The following TRIM37 variants were observed in gnomAD, a reference collection of about 807,000 sequenced individuals.
TRIM37 encodes E3 ubiquitin-protein ligase TRIM37.
TRIM37 carries 80 observed loss-of-function variants against 129.8 expected under a neutral mutation model. The ratio of observed to expected loss-of-function variants is 0.62; its 90% CI spans 0.51 to 0.74. The LOEUF is 0.74. Ranked by LOEUF, TRIM37 falls within the 30% of genes least tolerant of loss-of-function variation. The pLI, the probability that TRIM37 is intolerant of heterozygous loss-of-function variation, is 0.00. For synonymous variants in TRIM37, 389 were observed against 387.1 expected, an observed-to-expected ratio of 1.00 and a Z score of -0.06; for missense variants, 1,054 against 1,176.5, an observed-to-expected ratio of 0.90 and a Z score of 1.52.
intron 24 of TRIM37, among the ~76,000 whole-genome samples, chr17:58,989,446 AAAAT>A (rs1459908465): frequency 6.6e-6 from 1 of 152,184 alleles, no homozygotes; most frequent in Non-Finnish European, 1.5e-5. Flanking sequence ...AAAAATAAAA[AAAAT>A]AAAATTATGT....
intron 4 of TRIM37, among the ~76,000 whole-genome samples, chr17:59,086,300 C>T (rs1392226423): frequency 2.7e-5 from 4 of 149,970 alleles, no homozygotes; most frequent in South Asian, 2.1e-4. Context: ...TGAAGTGGCG[C>T]GATCTTGGCC....
At position 59,096,543 on chromosome 17, in the gene TRIM37, C is replaced by T. The variant is rs867233278; in HGVS notation, c.124-5203G>A. On this transcript the variant is annotated intron_variant, in intron 2 of 23. Coordinates refer to ENST00000262294, the MANE Select transcript of TRIM37 (RefSeq NM_015294.6). ...CTACAGCCTGGGTGACAGTGAGACT[C>T]TGTCTCAAAAAAAAAAAAACAAAAA... 4.8e-4 allele frequency among the ~76,000 whole-genome samples: 53 copies of T among 110,652 alleles called. 1 individual carries two copies. In the South Asian group the frequency reaches 0.016, roughly 34 times the overall value. The allele number at this position is 110,652 out of a possible 152,430, so 72.6% of individuals were successfully genotyped here. A position where few individuals can be genotyped will look rare whatever the true frequency, so the allele number is the denominator to read the frequency against.
chr17:59,006,626 T>C (rs1240197903), intron 22 of TRIM37, among the ~76,000 whole-genome samples: 2 of 152,086 alleles, frequency 1.3e-5, no homozygotes, highest in African/African-American at 4.8e-5. Context: ...CGGTGGCTCA[T>C]GCCTATAATC....
In TRIM37 at chr17:59,007,188, CA is replaced by C. The variant is rs1255953744; in HGVS notation, c.2695+5139del. On this transcript the variant is annotated intron_variant, in intron 22 of 23. Transcript: ENST00000262294. The stretch of plus-strand genomic sequence containing the variant: ...ACACACACACACACACACACACACA[CA>C]CACACACACACACACACTAAAACCA... Among the ~76,000 whole-genome samples, 10 of 73,646 alleles carry C rather than the reference CA, an allele frequency of 1.4e-4. 1 individual carries two copies. The highest frequency in any genetic ancestry group is 3.4e-4 in the Admixed American group (2 of 5,912). The allele number at this position is 73,646 out of a possible 152,430, so 48.3% of individuals were successfully genotyped here. A position where few individuals can be genotyped will look rare whatever the true frequency, so the allele number is the denominator to read the frequency against.
chr17:59,028,385 G>A (rs2037461654), intron 19 of TRIM37, 30 bp downstream of exon 19: 1 of 1,599,774 alleles, frequency 6.3e-7, no homozygotes, highest in African/African-American at 1.3e-5. Context: ...ATAACGTGTG[G>A]AGAAATGACA....
intron 2 of TRIM37, among the ~76,000 whole-genome samples, chr17:59,099,954 C>T (rs2147551672): frequency 6.6e-6 from 1 of 152,274 alleles, no homozygotes; most frequent in East Asian, 1.9e-4. Context: ...CAGACATGTA[C>T]CACCAGGCCT....
chr17:59,092,745 A>G (rs2044509734), intron 2 of TRIM37, among the ~76,000 whole-genome samples: 1 of 152,224 alleles, frequency 6.6e-6, no homozygotes, highest in East Asian at 1.9e-4. Flanking sequence ...TAAAATGAAC[A>G]TGAGCTTTAA....
rs2044279905 is a variant in TRIM37 at position 59,091,300 on chromosome 17, C to T, written c.164G>A (p.Arg55His). The T allele has an allele frequency of 3.2e-6, 5 of 1,582,308 alleles. No homozygotes were observed. Among genetic ancestry groups the T allele is most frequent in the East Asian group, 2.3e-5 (1 of 42,964 alleles). The change falls in exon 3 of 24, where the codon CGT becomes CAT. Residue 55 changes from arginine (R) to histidine (H), a missense_variant and splice_region_variant. Physicochemically the swap from Arg to His is conservative, Grantham distance 29 (BLOSUM62 0). Transcript: ENST00000262294. Reference sequence around the variant, plus strand: ...CAAATAATCGTAAGGAAACACTTACCGGCAATGAGGACATTGAGCTCTCTG... The same window carrying T: ...CAAATAATCGTAAGGAAACACTTACTGGCAATGAGGACATTGAGCTCTCTG... Reference protein sequence around the residue: ...TEQRAQCPHCRAPLQLRELVN... With the variant: ...TEQRAQCPHCHAPLQLRELVN...
At chr17:59,099,220 G>A (rs2045221938) in intron 2 of TRIM37, among the ~76,000 whole-genome samples, 1 of 151,888 alleles carries the variant, frequency 6.6e-6, no homozygotes, top group South Asian at 2.1e-4. Context: ...TAAACAAAAA[G>A]TGGTATATAG....
chr17:59,036,447 GGTGTGTGTGTGTGTGTGT>G (rs10625636), intron 17 of TRIM37, among the ~76,000 whole-genome samples: 4 of 140,582 alleles, frequency 2.8e-5, no homozygotes, highest in Non-Finnish European at 6.1e-5. Flanking sequence ...ATTTGCTGGG[GGTGTGTGTGTGTGTGTGT>G]GTGTGTGTGT....
In TRIM37 at chr17:59,084,093, T is replaced by G; in HGVS notation, c.282-4A>C. 6.2e-7 allele frequency: 1 copy of G among 1,604,736 alleles called. No individual in the cohort carries two copies. Among genetic ancestry groups the G allele is most frequent in the Non-Finnish European group, 8.5e-7 (1 of 1,172,350 alleles). ...TTTTTCATGGTGATTTTCACATCTA[T>G]ACATTATGAAAAGAAAATGAAGTTA... On this transcript the variant is annotated splice_polypyrimidine_tract_variant and splice_region_variant and intron_variant, in intron 4 of 23. Transcript: ENST00000262294.
intron 16 of TRIM37, among the ~76,000 whole-genome samples, chr17:59,042,934 C>T (rs968122978): frequency 6.6e-6 from 1 of 152,038 alleles, no homozygotes; most frequent in Non-Finnish European, 1.5e-5. Context: ...AATACAAGAA[C>T]CACTGTTAGA....
intron 8 of TRIM37, chr17:59,072,946 G>A (rs566488855): frequency 2.6e-5 from 4 of 152,056 alleles, no homozygotes; most frequent in East Asian, 3.9e-4. Flanking sequence ...AAGGCATTAC[G>A]GTTTTTTGAA....
At chr17:59,062,141 A>AGG (rs1239922287) in intron 11 of TRIM37, among the ~76,000 whole-genome samples, 1 of 152,198 alleles carries the variant, frequency 6.6e-6, no homozygotes, top group Admixed American at 6.5e-5. Flanking sequence ...ACTCAAAAAG[A>AGG]TTATTTAGCA....
At chr17:59,082,569 T>C (rs1237327625) in intron 5 of TRIM37, among the ~76,000 whole-genome samples, 1 of 152,198 alleles carries the variant, frequency 6.6e-6, no homozygotes, top group Non-Finnish European at 1.5e-5. Flanking sequence ...TGAACCCATT[T>C]TCCATCCCAC....
In TRIM37 at chr17:59,090,220, A is replaced by C. The variant is rs971571836; in HGVS notation, c.164+1080T>G. On this transcript the variant is annotated intron_variant, in intron 3 of 23. Coordinates refer to ENST00000262294, the MANE Select transcript of TRIM37 (RefSeq NM_015294.6). Reference sequence around the variant, plus strand: ...ATGTCTCTCAATATGGGCATAAATAAATCAAGGTATAGTCATAAAACTGAT... The same window carrying C: ...ATGTCTCTCAATATGGGCATAAATACATCAAGGTATAGTCATAAAACTGAT... The C allele has an allele frequency of 3.3e-5, 5 of 152,336 alleles. No homozygotes were observed. In the East Asian group the frequency reaches 9.6e-4, roughly 29 times the overall value. 9.4% of individuals were successfully genotyped at this position (152,336 alleles called of 1,614,324 possible).
chr17:59,027,460 A>G (rs2037368579), intron 19 of TRIM37, among the ~76,000 whole-genome samples: 1 of 152,198 alleles, frequency 6.6e-6, no homozygotes, highest in Admixed American at 6.5e-5. Flanking sequence ...TGCATCTAGA[A>G]TAGAATAGCA....
chr17:59,075,717 G>T lies in TRIM37; in HGVS notation c.617-3C>A. ...TTGGGTTAGAGATGTCTTCTGACCTGATGAAAAATAGTGAATCATCAACAC... is the reference window on the plus strand; with the variant it reads ...TTGGGTTAGAGATGTCTTCTGACCTTATGAAAAATAGTGAATCATCAACAC... On this transcript the variant is annotated splice_polypyrimidine_tract_variant and splice_region_variant and intron_variant, in intron 7 of 23. Transcript: ENST00000262294. The T allele has an allele frequency of 6.2e-7, 1 of 1,606,372 alleles. No homozygotes were observed. The highest frequency in any genetic ancestry group is 8.5e-7 in the Non-Finnish European group (1 of 1,174,882).
intron 17 of TRIM37, among the ~76,000 whole-genome samples, chr17:59,038,349 T>C (rs1282156445): frequency 6.6e-6 from 1 of 152,170 alleles, no homozygotes; most frequent in Non-Finnish European, 1.5e-5. Context: ...TACTTAGTGT[T>C]GTATGTTCCA....
Sources: allele counts gnomAD v4.1 joint callset (sites outside exome capture counted in the v4.1 genomes callset), GRCh38; gene constraint gnomAD v4.1.1; transcripts MANE v1.5; gene names NCBI Gene and HGNC (gene_info 2026-07-23, HGNC 2026-07-21).